The following ATP13A4 variants were observed in gnomAD, a reference collection of about 807,000 sequenced individuals.
The protein encoded by ATP13A4 is probable cation-transporting ATPase 13A4.
ATP13A4 carries 114 observed loss-of-function variants against 142.5 expected under a neutral mutation model. The observed-to-expected ratio is 0.80, with a 90% CI of 0.69 to 0.93. The LOEUF (loss-of-function observed/expected upper bound fraction) is 0.93. Ranked by LOEUF, ATP13A4 falls within the 40% of genes least tolerant of loss-of-function variation. ATP13A4 has a pLI of 0.00. For synonymous variants in ATP13A4, 488 were observed against 514.8 expected, an observed-to-expected ratio of 0.95 and a Z score of 0.70; for missense variants, 1,392 against 1,454.0, an observed-to-expected ratio of 0.96 and a Z score of 0.69.
intron 1 of ATP13A4, among the ~76,000 whole-genome samples, chr3:193,541,332 A>G (rs760898159): frequency 4.1e-4 from 62 of 151,300 alleles, no homozygotes; most frequent in Non-Finnish European, 7.5e-4. Flanking sequence ...ATTATTTTAC[A>G]AAGATATTAT....
chr3:193,456,878 G>A (rs1717645253), intron 16 of ATP13A4, 122 bp downstream of exon 16: 2 of 1,191,460 alleles, frequency 1.7e-6, no homozygotes, highest in Non-Finnish European at 2.4e-6. Context: ...AATTTGGAAT[G>A]CCAGTGAGCC....
At chr3:193,438,083 C>T (rs1334387269) in intron 23 of ATP13A4, among the ~76,000 whole-genome samples, 1 of 152,094 alleles carries the variant, frequency 6.6e-6, no homozygotes, top group East Asian at 1.9e-4. Flanking sequence ...CTGCCCACCT[C>T]GGCCTCCCAA....
In ATP13A4 at chr3:193,457,042, C is replaced by G; in HGVS notation, c.1873G>C (p.Gly625Arg). 6.2e-7 allele frequency: 1 copy of G among 1,614,168 alleles called. No homozygotes were observed. Residue 625 changes from glycine (G) to arginine (R), a missense_variant, in exon 16 of 30, where the codon GGT (glycine) becomes CGT (arginine). Physicochemically the swap from Gly to Arg is moderately radical, Grantham distance 125. Transcript: ENST00000342695. ...AAGCTGGCCACCCTCTCTGGTGCAC[C>G]TTTCATGAATGCCAGTCGGTCACCT... is the stretch of plus-strand genomic sequence containing the variant. The part of the protein sequence containing the change: ...MGGDRLAFMK[G>R]APERVASFCQ...
chr3:193,585,451 CA>C (rs1269122628), intron 1 of ATP13A4, among the ~76,000 whole-genome samples: 9 of 150,566 alleles, frequency 6.0e-5, no homozygotes, highest in Non-Finnish European at 1.2e-4. Flanking sequence ...ACAACAACAA[CA>C]AAACAAAAAA....
intron 25 of ATP13A4, among the ~76,000 whole-genome samples, chr3:193,416,126 G>A (rs1715049340): frequency 6.6e-6 from 1 of 152,164 alleles, no homozygotes; most frequent in Non-Finnish European, 1.5e-5. Flanking sequence ...CTGAACAAAA[G>A]CTGAAGGAAC....
intron 2 of ATP13A4, among the ~76,000 whole-genome samples, chr3:193,505,516 C>T (rs867400118): frequency 2.8e-4 from 42 of 152,134 alleles, no homozygotes; most frequent in African/African-American, 8.7e-4. Context: ...CATTTCCTAA[C>T]ATCCCCATTT....
chr3:193,462,434 A>G (rs1484461469), intron 13 of ATP13A4, among the ~76,000 whole-genome samples: 1 of 152,118 alleles, frequency 6.6e-6, no homozygotes, highest in East Asian at 1.9e-4. Flanking sequence ...CTTAAAGGAC[A>G]GTGTCCTGGT....
chr3:193,470,327 C>G (rs1211399112), intron 9 of ATP13A4, among the ~76,000 whole-genome samples: 3 of 152,148 alleles, frequency 2.0e-5, no homozygotes, highest in South Asian at 2.1e-4. Flanking sequence ...TGAAAATGAA[C>G]TACAGTTAGT....
At chr3:193,510,602 A>G (rs1178258852) in intron 2 of ATP13A4, among the ~76,000 whole-genome samples, 1 of 152,232 alleles carries the variant, frequency 6.6e-6, no homozygotes, top group Non-Finnish European at 1.5e-5. Context: ...CTGCTTTTAA[A>G]ATTATAAAAT....
At chr3:193,512,918 A>G (rs1721216376) in intron 2 of ATP13A4, among the ~76,000 whole-genome samples, 1 of 152,220 alleles carries the variant, frequency 6.6e-6, no homozygotes, top group Admixed American at 6.5e-5. Context: ...GTGAGTCTTC[A>G]GGAAGGATGA....
rs1553862259 is a variant in ATP13A4 at position 193,573,292 on chromosome 3, C to CATATATATATATACATAT, written n.291+8414_291+8415insATATGTATATATATATAT. On this transcript the variant is annotated intron_variant and non_coding_transcript_variant, in intron 2 of 3. Coordinates refer to the ATP13A4 transcript ENST00000489140. The stretch of plus-strand genomic sequence containing the variant: ...ATATATATACATATATATATATACA[C>CATATATATATATACATAT]ATATATATATATATACATATATATA... Among the ~76,000 whole-genome samples, 9 of 107,860 alleles carry CATATATATATATACATAT rather than the reference C, an allele frequency of 8.3e-5. 3 individuals carry two copies. The highest frequency in any genetic ancestry group is 4.1e-4 in the African/African-American group (9 of 21,746). 70.8% of individuals were successfully genotyped at this position (107,860 alleles called of 152,430 possible). A position where few individuals can be genotyped will look rare whatever the true frequency, so the allele number is the denominator to read the frequency against.
chr3:193,403,520 C>T (rs1385464805), intron 29 of ATP13A4, among the ~76,000 whole-genome samples: 1 of 152,210 alleles, frequency 6.6e-6, no homozygotes, highest in Non-Finnish European at 1.5e-5. Flanking sequence ...AGCTCTCTCC[C>T]TTTGCCTACC....
intron 2 of ATP13A4, among the ~76,000 whole-genome samples, chr3:193,575,232 C>T (rs1724366504): frequency 6.6e-6 from 1 of 152,152 alleles, no homozygotes; most frequent in Non-Finnish European, 1.5e-5. Flanking sequence ...GGGGTTAGTA[C>T]TATCCTTGTG....
rs370184406 is a variant in ATP13A4 at position 193,538,846 on chromosome 3, T to C, written c.60+15894A>G. On this transcript the variant is annotated intron_variant, in intron 1 of 29. Coordinates refer to ENST00000342695, the MANE Select transcript of ATP13A4 (RefSeq NM_032279.4). ...GCTGCAAAAGGAGGCAGAAGCAATA[T>C]GCAGACAAATGGAGGTGGCTATTTT... 1.4e-4 allele frequency among the ~76,000 whole-genome samples: 22 copies of C among 151,914 alleles called. No homozygotes were observed. The South Asian group carries it at 4.4e-3, about 30-fold the overall frequency.
chr3:193,412,353 A>G lies in ATP13A4; in HGVS notation c.3033T>C (p.Asn1011=). ...ACATGGTTAACTCTGAGATGCTTTC[A>G]TTTTGTACTGTGCAGGCACTAAAAG... The part of the protein sequence containing the change: ...VEIHSACTVQ[N]ESISELTMSP... The change falls in exon 27 of 30, where the codon AAT becomes AAC. Residue 1011 remains asparagine (N), a synonymous_variant. Coordinates refer to ENST00000342695, the MANE Select transcript of ATP13A4 (RefSeq NM_032279.4). The G allele has an allele frequency of 6.2e-7, 1 of 1,614,096 alleles. No individual in the cohort carries two copies. Among genetic ancestry groups the G allele is most frequent in the Non-Finnish European group, 8.5e-7 (1 of 1,179,988 alleles).
At chr3:193,424,055 A>T (rs1363799333) in intron 25 of ATP13A4, among the ~76,000 whole-genome samples, 1 of 149,532 alleles carries the variant, frequency 6.7e-6, no homozygotes, top group East Asian at 2.0e-4. Context: ...TAAAAGAAAT[A>T]AAGAAGACAA....
chr3:193,513,935 A>G (rs893673724), intron 2 of ATP13A4, among the ~76,000 whole-genome samples: 16 of 152,204 alleles, frequency 1.1e-4, no homozygotes, highest in African/African-American at 3.9e-4. Context: ...TTAGTAGCCT[A>G]TAGCCTGACT....
At chr3:193,431,860 C>T (rs1715995982) in intron 25 of ATP13A4, among the ~76,000 whole-genome samples, 1 of 151,716 alleles carries the variant, frequency 6.6e-6, no homozygotes, top group African/African-American at 2.4e-5. Context: ...TGCAAGTATA[C>T]CACTGCCTCC....
Position 193,441,538 on chromosome 3 carries a change from T to C in ATP13A4, c.2367A>G (p.Gly789=). The change falls in exon 20 of 30, where the codon GGA becomes GGG. Residue 789 remains glycine, a synonymous_variant. Transcript: ENST00000342695. ...TTCCAGTTAGGGCAAAATGGTAACTTCCTTCTCTGCCTTTATCAGAGACTT... is the reference window on the plus strand; with the variant it reads ...TTCCAGTTAGGGCAAAATGGTAACTCCCTTCTCTGCCTTTATCAGAGACTT... ...RDEVSDKGRE[G]SYHFALTGKS... 1.2e-6 allele frequency: 2 copies of C among 1,613,426 alleles called. No individual in the cohort carries two copies. Among genetic ancestry groups the C allele is most frequent in the Non-Finnish European group, 1.7e-6 (2 of 1,179,412 alleles).
Sources: gnomAD v4.1 joint callset for allele counts (sites outside exome capture counted in the v4.1 genomes callset) on GRCh38, gnomAD v4.1.1 for gene constraint, MANE v1.5 for transcripts, NCBI Gene and HGNC (gene_info 2026-07-23, HGNC 2026-07-21) for gene names.